The following NKAIN2 variants were observed in gnomAD, a reference collection of about 807,000 sequenced individuals.
NKAIN2 encodes sodium/potassium-transporting ATPase subunit beta-1-interacting protein 2.
NKAIN2 carries 14 observed loss-of-function variants against 32.6 expected under a neutral mutation model. The observed-to-expected ratio is 0.43, with a 90% CI of 0.28 to 0.67. The LOEUF (loss-of-function observed/expected upper bound fraction) is 0.67, where lower values mean the gene tolerates loss of function less well. Ranked by LOEUF, NKAIN2 falls within the 30% of genes least tolerant of loss-of-function variation. The pLI is 0.17. For synonymous variants in NKAIN2, 80 were observed against 87.2 expected (o/e 0.92, Z 0.46); for missense variants, 198 against 258.3 (o/e 0.77, Z 1.60).
intron 1 of NKAIN2, among the ~76,000 whole-genome samples, chr6:123,893,642 A>G (rs1282686585): frequency 6.6e-6 from 1 of 152,214 alleles, no homozygotes; most frequent in African/African-American, 2.4e-5. Flanking sequence ...GTGGCTATAT[A>G]GTGGTAGAGC....
intron 1 of NKAIN2, among the ~76,000 whole-genome samples, chr6:124,027,066 T>A (rs944405317): frequency 2.0e-5 from 3 of 152,128 alleles, no homozygotes; most frequent in African/African-American, 7.2e-5. Context: ...ATGAAGTGCC[T>A]ACGGCTTAGC....
chr6:124,753,095 T>C (rs1777800502), intron 4 of NKAIN2, among the ~76,000 whole-genome samples: 1 of 152,156 alleles, frequency 6.6e-6, no homozygotes. Context: ...AATTCTGTTG[T>C]ACTTGTCATT....
At chr6:123,820,880 G>T (rs928533) in intron 1 of NKAIN2, among the ~76,000 whole-genome samples, 41,586 of 151,936 alleles carry the variant, frequency 0.27, 8,121 homozygotes, top group African/African-American at 0.53. Flanking sequence ...TTATCCATTC[G>T]TCTGTAAGAG....
chr6:124,596,662 G>GC (rs1491314863), intron 3 of NKAIN2, among the ~76,000 whole-genome samples: 32 of 89,400 alleles, frequency 3.6e-4, no homozygotes, highest in African/African-American at 1.2e-3. Context: ...ATAAACCATA[G>GC]GGTGTGTGTG....
intron 3 of NKAIN2, among the ~76,000 whole-genome samples, chr6:124,627,504 C>T (rs1323194214): frequency 6.6e-6 from 1 of 152,114 alleles, no homozygotes; most frequent in African/African-American, 2.4e-5. Context: ...GGTTGTTCAG[C>T]TTCAGTGTTC....
At chr6:124,653,539 A>G (rs1244074766) in intron 3 of NKAIN2, among the ~76,000 whole-genome samples, 2 of 152,036 alleles carry the variant, frequency 1.3e-5, no homozygotes, top group Admixed American at 6.6e-5. Flanking sequence ...TGTAAAATGC[A>G]AAACTGTAAA....
chr6:124,268,352 G>A (rs1320443028), intron 1 of NKAIN2, among the ~76,000 whole-genome samples: 3 of 152,180 alleles, frequency 2.0e-5, no homozygotes, highest in Non-Finnish European at 2.9e-5. Context: ...GAGTTCCTAA[G>A]CAAATTGGAC....
intron 1 of NKAIN2, among the ~76,000 whole-genome samples, chr6:123,956,187 AG>A (rs1372685704): frequency 1.3e-5 from 2 of 152,198 alleles, no homozygotes; most frequent in Non-Finnish European, 2.9e-5. Flanking sequence ...GAAGGAAAAA[AG>A]GAAGGAAAAA....
At chr6:124,300,351 T>C (rs1185846422) in intron 2 of NKAIN2, among the ~76,000 whole-genome samples, 1 of 152,190 alleles carries the variant, frequency 6.6e-6, no homozygotes, top group East Asian at 1.9e-4. Context: ...CATTGTCTTC[T>C]GTCATGATTG....
chr6:124,610,473 C>A (rs554462344), intron 3 of NKAIN2, among the ~76,000 whole-genome samples: 1 of 152,152 alleles, frequency 6.6e-6, no homozygotes, highest in African/African-American at 2.4e-5. Flanking sequence ...AAAGGGAGAA[C>A]TAATATCTTT....
In NKAIN2 at chr6:124,330,329, A is replaced by C. The variant is rs375181388; in HGVS notation, c.193-24938A>C. 3.9e-5 allele frequency among the ~76,000 whole-genome samples: 6 copies of C among 152,296 alleles called. No individual in the cohort carries two copies. The East Asian group carries it at 5.8e-4, about 15-fold the overall frequency. On this transcript the variant is annotated intron_variant, in intron 2 of 6. Coordinates refer to ENST00000368417, the MANE Select transcript of NKAIN2 (RefSeq NM_001040214.3). Reference sequence around the variant, plus strand: ...TGAGATGGAGATTTGCATACAAGCAATTTATTAGAGTGTGTTTCCAGGAAC... The same window carrying C: ...TGAGATGGAGATTTGCATACAAGCACTTTATTAGAGTGTGTTTCCAGGAAC...
chr6:124,494,770 C>T (rs1277535198), intron 3 of NKAIN2, among the ~76,000 whole-genome samples: 1 of 151,942 alleles, frequency 6.6e-6, no homozygotes, highest in Non-Finnish European at 1.5e-5. Context: ...TAAGTCGATG[C>T]CTATTTATTT....
At chr6:124,478,849 G>A (rs1266218262) in intron 3 of NKAIN2, among the ~76,000 whole-genome samples, 1 of 152,126 alleles carries the variant, frequency 6.6e-6, no homozygotes, top group African/African-American at 2.4e-5. Flanking sequence ...AGTACAGTAT[G>A]GAAGTGAGGG....
chr6:124,570,363 A>T (rs1781080449), intron 3 of NKAIN2, among the ~76,000 whole-genome samples: 1 of 152,126 alleles, frequency 6.6e-6, no homozygotes, highest in African/African-American at 2.4e-5. Context: ...CATGGGGAAG[A>T]TGTCACCAGG....
intron 1 of NKAIN2, among the ~76,000 whole-genome samples, chr6:124,132,058 T>C (rs1562376111): frequency 6.6e-6 from 1 of 152,138 alleles, no homozygotes; most frequent in African/African-American, 2.4e-5. Context: ...GAATCAAAAC[T>C]CAGCACTGTT....
chr6:124,320,134 T>C (rs1797114281), intron 2 of NKAIN2, among the ~76,000 whole-genome samples: 1 of 152,150 alleles, frequency 6.6e-6, no homozygotes, highest in Non-Finnish European at 1.5e-5. Context: ...ACTGCTCTTT[T>C]AATTGAGAAA....
At chr6:124,110,626 T>C (rs535506955) in intron 1 of NKAIN2, among the ~76,000 whole-genome samples, 2 of 152,276 alleles carry the variant, frequency 1.3e-5, no homozygotes, top group East Asian at 3.9e-4. Flanking sequence ...AGCTCCCACG[T>C]ATCAGTAAGA....
chr6:124,286,681 C>T lies in NKAIN2; in HGVS notation c.192+3539C>T, dbSNP rs868115452. Among the ~76,000 whole-genome samples the T allele has an allele frequency of 6.1e-3, 797 of 130,756 alleles. 8 individuals are homozygous for T. Among genetic ancestry groups the T allele is most frequent in the African/African-American group, 0.021 (731 of 34,442 alleles). 85.8% of individuals were successfully genotyped at this position (130,756 alleles called of 152,430 possible). ...GTGTGTGTGTGTGTGTGTGCGCGCG[C>T]GTGTGTGTGTGTGTGTGTGAGATAA... On this transcript the variant is annotated intron_variant, in intron 2 of 6. Coordinates refer to ENST00000368417, the MANE Select transcript of NKAIN2 (RefSeq NM_001040214.3).
intron 1 of NKAIN2, among the ~76,000 whole-genome samples, chr6:123,833,916 C>T (rs1394642248): frequency 6.6e-6 from 1 of 151,466 alleles, no homozygotes; most frequent in Non-Finnish European, 1.5e-5. Flanking sequence ...TTAGTAGAAT[C>T]GGGGTTTCAC....
Sources: gnomAD v4.1 joint callset for allele counts (sites outside exome capture counted in the v4.1 genomes callset) on GRCh38, gnomAD v4.1.1 for gene constraint, MANE v1.5 for transcripts, NCBI Gene and HGNC (gene_info 2026-07-23, HGNC 2026-07-21) for gene names.